The following MGAT4C variants were observed in gnomAD, a reference collection of about 807,000 sequenced individuals.
The protein encoded by MGAT4C is alpha-1,3-mannosyl-glycoprotein 4-beta-N-acetylglucosaminyltransferase C.
MGAT4C carries 19 observed loss-of-function variants against 40.1 expected under a neutral mutation model. The observed-to-expected ratio is 0.47, with a 90% CI of 0.33 to 0.70. The LOEUF is 0.70. Ranked by LOEUF, MGAT4C falls within the 30% of genes least tolerant of loss-of-function variation. MGAT4C has a pLI of 0.02. For synonymous variants in MGAT4C, 181 were observed against 187.1 expected (o/e 0.97, Z 0.27); for missense variants, 491 against 563.2 (o/e 0.87, Z 1.30).
chr12:86,826,501 C>T (rs1188905690), intron 1 of MGAT4C, among the ~76,000 whole-genome samples: 1 of 151,388 alleles, frequency 6.6e-6, no homozygotes, highest in African/African-American at 2.4e-5. Flanking sequence ...ATTGATATGT[C>T]CATGTTTCAA....
In MGAT4C at chr12:85,964,799, GGCCACCTA is replaced by G. The variant is rs1883272221; in HGVS notation, c.*14482_*14489del. 6.6e-6 allele frequency: 1 copy of G among 151,938 alleles called. No individual in the cohort carries two copies. Among genetic ancestry groups the G allele is most frequent in the Non-Finnish European group, 1.5e-5 (1 of 67,988 alleles). The allele number at this position is 151,938 out of a possible 1,614,324, so 9.4% of individuals were successfully genotyped here. A position where few individuals can be genotyped will look rare whatever the true frequency, so the allele number is the denominator to read the frequency against. On this transcript the variant is annotated 3_prime_UTR_variant, in exon 5 of 5. Coordinates refer to ENST00000611864, the MANE Select transcript of MGAT4C (RefSeq NM_001351288.2). ...TGCCATATGGAGAAGTAGAATGAGA[GGCCACCTA>G]GGTAATGTGATTTATTAAAAGTTCT... is the stretch of plus-strand genomic sequence containing the variant.
chr12:86,233,001 A>G lies in MGAT4C; in HGVS notation c.-57+23238T>C, dbSNP rs149336858. ...TATAGGTAAAATTTTAATAATTTGT[A>G]GAATCAACAGCTGTAATTTGCCAGC... is the stretch of plus-strand genomic sequence containing the variant. On this transcript the variant is annotated intron_variant, in intron 1 of 4. Transcript: ENST00000611864. Among the ~76,000 whole-genome samples the G allele has an allele frequency of 3.8e-3, 581 of 152,320 alleles. 2 individuals are homozygous for G. Among genetic ancestry groups the G allele is most frequent in the African/African-American group, 0.014 (564 of 41,574 alleles).
intron 2 of MGAT4C, among the ~76,000 whole-genome samples, chr12:86,487,757 T>A (rs892721531): frequency 6.6e-6 from 1 of 151,824 alleles, no homozygotes; most frequent in African/African-American, 2.4e-5. Context: ...TAAATACTAT[T>A]CTTTCCTGAA....
chr12:86,431,120 T>G (rs1240082634), intron 3 of MGAT4C, among the ~76,000 whole-genome samples: 1 of 152,124 alleles, frequency 6.6e-6, no homozygotes, highest in Non-Finnish European at 1.5e-5. Flanking sequence ...TAAAAGCATA[T>G]AGGGACTCAA....
At position 86,633,040 on chromosome 12, in the gene MGAT4C, TA is replaced by T. The variant is rs912451625; in HGVS notation, c.-229+94168del. On this transcript the variant is annotated intron_variant, in intron 2 of 7. Coordinates refer to the MGAT4C transcript ENST00000548651. ...AGTGTGTTTTCTTATTTTATACATATATACCAAATATATATTATATATTTGA... is the reference window on the plus strand; with the variant it reads ...AGTGTGTTTTCTTATTTTATACATATTACCAAATATATATTATATATTTGA... Among the ~76,000 whole-genome samples, 18 of 152,024 alleles carry T rather than the reference TA, an allele frequency of 1.2e-4. No homozygotes were observed. The Middle Eastern group carries it at 0.01, about 87-fold the overall frequency.
At chr12:86,251,183 C>A (rs1952262640) in intron 1 of MGAT4C, among the ~76,000 whole-genome samples, 1 of 143,524 alleles carries the variant, frequency 7.0e-6, no homozygotes, top group African/African-American at 2.6e-5. Flanking sequence ...AAGGGTGGAA[C>A]AACAAATTGT....
upstream of MGAT4C, among the ~76,000 whole-genome samples, chr12:86,260,874 A>T (rs926450364): frequency 6.6e-6 from 1 of 152,002 alleles, no homozygotes; most frequent in Non-Finnish European, 1.5e-5. Context: ...TTTTTCCCAT[A>T]TCCCATTATA....
intron 1 of MGAT4C, among the ~76,000 whole-genome samples, chr12:86,203,977 T>G (rs965104486): frequency 7.1e-6 from 1 of 141,732 alleles, no homozygotes; most frequent in East Asian, 2.0e-4. Context: ...AAAAAAGAAA[T>G]ATATATATAT....
At chr12:86,278,922 T>G (rs1267111347) in intron 4 of MGAT4C, among the ~76,000 whole-genome samples, 2 of 152,196 alleles carry the variant, frequency 1.3e-5, no homozygotes, top group African/African-American at 4.8e-5. Context: ...TTAGCAACAG[T>G]TGAAATTATC....
At chr12:86,053,501 T>C (rs1893090579) in intron 1 of MGAT4C, among the ~76,000 whole-genome samples, 1 of 151,810 alleles carries the variant, frequency 6.6e-6, no homozygotes, top group Non-Finnish European at 1.5e-5. Flanking sequence ...GCATAATCTC[T>C]ATAATACTGG....
In MGAT4C at chr12:85,968,329, T is replaced by C. The variant is rs572149540; in HGVS notation, c.*10960A>G. The C allele has an allele frequency of 6.4e-4, 98 of 152,114 alleles. No individual in the cohort carries two copies. The highest frequency in any genetic ancestry group is 2.1e-3 in the African/African-American group (88 of 41,546). The allele number at this position is 152,114 out of a possible 1,614,324, so 9.4% of individuals were successfully genotyped here. On this transcript the variant is annotated 3_prime_UTR_variant, in exon 5 of 5. Coordinates refer to ENST00000611864, the MANE Select transcript of MGAT4C (RefSeq NM_001351288.2). ...TCAATATCTACAAAGATGTCATCAT[T>C]AGATTTTATGTGTTAAAAAGTGGAT...
At chr12:86,470,518 A>G (rs1469959287) in intron 2 of MGAT4C, among the ~76,000 whole-genome samples, 1 of 152,134 alleles carries the variant, frequency 6.6e-6, no homozygotes, top group African/African-American at 2.4e-5. Context: ...TATAAATGAG[A>G]GAGAAATGAA....
chr12:86,637,845 C>T (rs940187721), intron 2 of MGAT4C, among the ~76,000 whole-genome samples: 1 of 151,894 alleles, frequency 6.6e-6, no homozygotes, highest in African/African-American at 2.4e-5. Flanking sequence ...TAGGACTGTA[C>T]AAATTTTCAT....
chr12:85,982,526 C>T (rs1262476137), intron 4 of MGAT4C, among the ~76,000 whole-genome samples: 1 of 152,168 alleles, frequency 6.6e-6, no homozygotes, highest in Non-Finnish European at 1.5e-5. Flanking sequence ...ATTTAAAAAT[C>T]AGGCTGCATA....
rs994030076 is a variant in MGAT4C at position 86,586,825 on chromosome 12, G to T, written c.-229+140384C>A. Among the ~76,000 whole-genome samples, 439 of 151,582 alleles carry T rather than the reference G, an allele frequency of 2.9e-3. 2 individuals carry two copies. Among genetic ancestry groups the T allele is most frequent in the African/African-American group, 9.7e-3 (401 of 41,364 alleles). ...TTGTTTTTTTTCTTGTAAATTTGTTGGAGTTCATTGTAGATTCTGGATATT... is the reference window on the plus strand; with the variant it reads ...TTGTTTTTTTTCTTGTAAATTTGTTTGAGTTCATTGTAGATTCTGGATATT... On this transcript the variant is annotated intron_variant, in intron 2 of 7. Coordinates refer to the MGAT4C transcript ENST00000548651.
At chr12:86,697,711 C>T (rs1950282210) in intron 2 of MGAT4C, among the ~76,000 whole-genome samples, 4 of 151,872 alleles carry the variant, frequency 2.6e-5, no homozygotes, top group Admixed American at 2.6e-4. Context: ...TAATGATGAC[C>T]ACAATGACAA....
intron 1 of MGAT4C, among the ~76,000 whole-genome samples, chr12:86,804,498 T>A (rs921408400): frequency 4.0e-5 from 6 of 151,704 alleles, no homozygotes; most frequent in Non-Finnish European, 5.9e-5. Flanking sequence ...ATTAGCTACA[T>A]CATTTTATTA....
rs1205762186 is a variant in MGAT4C, at chr12:85,971,972, C to A, written c.*7317G>T. ...GTCTTTTCTACTTTGACTATATTTA[C>A]CATTGACTACAGTAACTCAGCAGAA... On this transcript the variant is annotated 3_prime_UTR_variant, in exon 5 of 5. Transcript: ENST00000611864. The A allele has an allele frequency of 6.6e-6, 1 of 151,064 alleles. No individual in the cohort carries two copies. Among genetic ancestry groups the A allele is most frequent in the Non-Finnish European group, 1.5e-5 (1 of 67,274 alleles). The allele number at this position is 151,064 out of a possible 1,614,324, so 9.4% of individuals were successfully genotyped here.
At chr12:86,427,185 C>T (rs1314520836) in intron 3 of MGAT4C, among the ~76,000 whole-genome samples, 2 of 152,122 alleles carry the variant, frequency 1.3e-5, no homozygotes, top group Non-Finnish European at 2.9e-5. Context: ...CTGCCTTCTA[C>T]CTTTAGCAGG....
Sources: allele counts gnomAD v4.1 joint callset (sites outside exome capture counted in the v4.1 genomes callset), GRCh38; gene constraint gnomAD v4.1.1; transcripts MANE v1.5; gene names NCBI Gene and HGNC (gene_info 2026-07-23, HGNC 2026-07-21).